Variants in TMEM132B observed in about 807,000 individuals in gnomAD.
TMEM132B encodes the protein transmembrane protein 132B.
TMEM132B carries 18 observed loss-of-function variants against 90.8 expected under a neutral mutation model. The ratio of observed to expected loss-of-function variants is 0.20; its 90% CI spans 0.14 to 0.29. The LOEUF is 0.29. Ranked by LOEUF, TMEM132B falls within the 10% of genes least tolerant of loss-of-function variation. The pLI is 1.00. For missense variants in TMEM132B, 1,096 were observed against 1,326.8 expected, an observed-to-expected ratio of 0.83 and a Z score of 2.70; for synonymous variants, 504 against 523.3, an observed-to-expected ratio of 0.96 and a Z score of 0.50.
chr12:125,433,195 G>C (rs1301287399), intron 3 of TMEM132B, among the ~76,000 whole-genome samples: 1 of 152,158 alleles, frequency 6.6e-6, no homozygotes, highest in Non-Finnish European at 1.5e-5. Context: ...CAGGTTTACA[G>C]GATTTAGACC....
intron 1 of TMEM132B, among the ~76,000 whole-genome samples, chr12:125,193,395 G>A (rs1872848186): frequency 6.6e-6 from 1 of 152,144 alleles, no homozygotes; most frequent in Non-Finnish European, 1.5e-5. Flanking sequence ...CTCAGGCCTG[G>A]GTGCCTGTGA....
At chr12:125,535,363 T>C (rs1883769053) in intron 4 of TMEM132B, among the ~76,000 whole-genome samples, 1 of 152,198 alleles carries the variant, frequency 6.6e-6, no homozygotes, top group Non-Finnish European at 1.5e-5. Flanking sequence ...TGTGTTTAAC[T>C]GGGAGTCCCA....
chr12:125,601,064 A>G (rs1885558113), intron 5 of TMEM132B, among the ~76,000 whole-genome samples: 1 of 152,214 alleles, frequency 6.6e-6, no homozygotes, highest in Non-Finnish European at 1.5e-5. Flanking sequence ...TCAACGAGAC[A>G]GAAAGTTAAA....
intron 3 of TMEM132B, among the ~76,000 whole-genome samples, chr12:125,471,084 C>T (rs1881705365): frequency 6.6e-6 from 1 of 152,252 alleles, no homozygotes. Context: ...GTTGATGTCC[C>T]CTGCTTGCAG....
intron 1 of TMEM132B, among the ~76,000 whole-genome samples, chr12:125,320,641 G>GCA (rs201569055): frequency 1.3e-5 from 2 of 149,544 alleles, no homozygotes; most frequent in Non-Finnish European, 3.0e-5. Context: ...GGCTCCACAA[G>GCA]GGGGAAGCTG....
intron 6 of TMEM132B, among the ~76,000 whole-genome samples, chr12:125,646,168 T>G (rs1405585650): frequency 2.0e-5 from 3 of 152,158 alleles, no homozygotes; most frequent in African/African-American, 7.2e-5. Flanking sequence ...ACAGAGTGCT[T>G]AGCAAGGTTG....
In TMEM132B at chr12:125,415,337, C is replaced by T. The variant is rs577646612; in HGVS notation, c.960-194C>T. 1.8e-4 allele frequency among the ~76,000 whole-genome samples: 27 copies of T among 152,312 alleles called. No individual in the cohort carries two copies. The highest frequency in any genetic ancestry group is 6.3e-4 in the African/African-American group (26 of 41,572). On this transcript the variant is annotated intron_variant, in intron 2 of 8. Coordinates refer to ENST00000682704, the MANE Select transcript of TMEM132B (RefSeq NM_001366854.1). The surrounding 1 kb of genome is among the most constrained non-coding windows in gnomAD (Gnocchi z 5.3). ...AAAAGCTGGGGCTCCTACTTCCAGG[C>T]ACTTGTAAAAATTACAAGACACTTA...
At chr12:125,214,693 A>C (rs552700506) in intron 1 of TMEM132B, among the ~76,000 whole-genome samples, 7 of 152,344 alleles carry the variant, frequency 4.6e-5, no homozygotes, top group African/African-American at 1.7e-4. Flanking sequence ...GGCTGGTGCC[A>C]AAAAGAAGAT....
At chr12:125,518,084 G>A (rs757739287) in intron 3 of TMEM132B, among the ~76,000 whole-genome samples, 17 of 152,174 alleles carry the variant, frequency 1.1e-4, no homozygotes, top group African/African-American at 3.1e-4. Flanking sequence ...CCTATTCTAT[G>A]TGGAGTACAA....
At chr12:125,354,757 G>C (rs945701911) in intron 2 of TMEM132B, among the ~76,000 whole-genome samples, 1 of 152,206 alleles carries the variant, frequency 6.6e-6, no homozygotes, top group Non-Finnish European at 1.5e-5. Flanking sequence ...ACTTACAAGA[G>C]TGCCTGGCAC....
intron 4 of TMEM132B, among the ~76,000 whole-genome samples, chr12:125,560,444 G>C (rs146462811): frequency 6.4e-4 from 98 of 152,268 alleles, no homozygotes; most frequent in African/African-American, 2.2e-3. Context: ...ATGAAAGAAA[G>C]CTCTTCATCA....
In TMEM132B at chr12:125,251,730, G is replaced by A. The variant is rs1165135060; in HGVS notation, c.67+64864G>A. Among the ~76,000 whole-genome samples, 1 of 152,136 alleles carries A rather than the reference G, an allele frequency of 6.6e-6. No individual in the cohort carries two copies. Among genetic ancestry groups the A allele is most frequent in the Non-Finnish European group, 1.5e-5 (1 of 68,026 alleles). ...GTGGTAACTCAGTTCTAGTTTATTG[G>A]TTCTGTTTGGGAGTAACGAGCCCAG... On this transcript the variant is annotated intron_variant, in intron 1 of 8. Coordinates refer to ENST00000682704, the MANE Select transcript of TMEM132B (RefSeq NM_001366854.1). The surrounding 1 kb of genome is among the most constrained non-coding windows in gnomAD (Gnocchi z 4.4).
At chr12:125,652,752 T>C in intron 8 of TMEM132B, 120 bp downstream of exon 8, 1 of 1,197,774 alleles carries the variant, frequency 8.3e-7, no homozygotes, top group East Asian at 2.6e-5. Context: ...TCTTGAAGCT[T>C]CTTGCTTCTT....
chr12:125,424,190 T>C (rs1164126531), intron 3 of TMEM132B, among the ~76,000 whole-genome samples: 1 of 152,254 alleles, frequency 6.6e-6, no homozygotes, highest in Non-Finnish European at 1.5e-5. Flanking sequence ...AAAATATTTT[T>C]TCTTTTGAAG....
intron 3 of TMEM132B, among the ~76,000 whole-genome samples, chr12:125,418,386 C>T (rs1209783942): frequency 2.6e-5 from 4 of 152,140 alleles, no homozygotes; most frequent in Non-Finnish European, 5.9e-5. Context: ...TCTCTTACTT[C>T]ACATTTAGTA....
intron 1 of TMEM132B, among the ~76,000 whole-genome samples, chr12:125,204,897 G>C (rs1873142833): frequency 6.7e-6 from 1 of 149,400 alleles, no homozygotes; most frequent in Non-Finnish European, 1.5e-5. Context: ...TTTCAATGAG[G>C]GCTCCATGTG....
In TMEM132B at chr12:125,366,619, T is replaced by G. The variant is rs572192678; in HGVS notation, c.959+16276T>G. On this transcript the variant is annotated intron_variant, in intron 2 of 8. Coordinates refer to ENST00000682704, the MANE Select transcript of TMEM132B (RefSeq NM_001366854.1). The stretch of plus-strand genomic sequence containing the variant: ...GCTCATCATCTTTGCCTTTCAACGG[T>G]TTAGCTACAATGTGCAGAGGTATGG... Among the ~76,000 whole-genome samples the G allele has an allele frequency of 3.3e-5, 5 of 152,308 alleles. No individual in the cohort carries two copies. In the East Asian group the frequency reaches 9.6e-4, roughly 29 times the overall value.
At chr12:125,293,001 T>C (rs1340937003) in intron 1 of TMEM132B, among the ~76,000 whole-genome samples, 1 of 152,222 alleles carries the variant, frequency 6.6e-6, no homozygotes, top group Admixed American at 6.5e-5. Context: ...GAACAATGGA[T>C]ATTTAATTGA....
intron 4 of TMEM132B, among the ~76,000 whole-genome samples, chr12:125,522,663 G>A (rs1883336671): frequency 6.6e-6 from 1 of 152,198 alleles, no homozygotes; most frequent in Non-Finnish European, 1.5e-5. Flanking sequence ...TGGACCTTGG[G>A]GAAAGCTGCC....
Sources: allele counts gnomAD v4.1 joint callset (sites outside exome capture counted in the v4.1 genomes callset), GRCh38; gene constraint gnomAD v4.1.1; non-coding constraint Gnocchi (gnomAD v3.1); transcripts MANE v1.5; gene names NCBI Gene and HGNC (gene_info 2026-07-23, HGNC 2026-07-21).